Variants in SPEF2 observed in about 807,000 individuals in gnomAD.
The protein encoded by SPEF2 is sperm flagellar and cilia associated 2.
A neutral mutation model predicts 224.6 loss-of-function variants in SPEF2; 187 were observed. The observed-to-expected ratio is 0.83, with a 90% CI of 0.74 to 0.94. SPEF2 has a LOEUF of 0.94. Ranked by LOEUF, SPEF2 falls within the 40% of genes least tolerant of loss-of-function variation. The pLI is 0.00. For synonymous variants in SPEF2, 715 were observed against 707.3 expected, an observed-to-expected ratio of 1.01 and a Z score of -0.17; for missense variants, 2,170 against 2,135.6, an observed-to-expected ratio of 1.02 and a Z score of -0.32.
chr5:35,690,778 T>G (rs1035865676), intron 10 of SPEF2, among the ~76,000 whole-genome samples: 4 of 152,194 alleles, frequency 2.6e-5, no homozygotes, highest in African/African-American at 9.6e-5. Context: ...CAACCTAGAT[T>G]ACAAAATGCC....
intron 4 of SPEF2, among the ~76,000 whole-genome samples, chr5:35,644,752 C>T (rs567065000): frequency 6.6e-6 from 1 of 152,156 alleles, no homozygotes; most frequent in African/African-American, 2.4e-5. Context: ...ACAAGAACTG[C>T]CATCTTCTGG....
intron 7 of SPEF2, 114 bp downstream of exon 7, chr5:35,654,840 G>A (rs1748741451): frequency 1.2e-6 from 1 of 869,418 alleles, no homozygotes; most frequent in Non-Finnish European, 1.6e-6. Flanking sequence ...TGCATCAAAT[G>A]TCACTTTCAC....
At chr5:35,735,133 T>C (rs1484523321) in intron 21 of SPEF2, among the ~76,000 whole-genome samples, 3 of 152,222 alleles carry the variant, frequency 2.0e-5, no homozygotes, top group Non-Finnish European at 4.4e-5. Context: ...TATAAGCTCC[T>C]AAAGCCAGCA....
intron 1 of SPEF2, among the ~76,000 whole-genome samples, chr5:35,622,155 T>A (rs1342157017): frequency 6.6e-6 from 1 of 152,190 alleles, no homozygotes; most frequent in African/African-American, 2.4e-5. Context: ...TGGGTTTGGG[T>A]TTTTTCCAAG....
intron 31 of SPEF2, 53 bp from the exon 32 acceptor site, chr5:35,793,106 C>A: frequency 6.7e-7 from 1 of 1,500,264 alleles, no homozygotes; most frequent in Non-Finnish European, 9.1e-7. Flanking sequence ...GCAAGTAGAG[C>A]ATCAAGATAG....
intron 10 of SPEF2, among the ~76,000 whole-genome samples, chr5:35,687,745 GTTAGA>G (rs1456755789): frequency 1.3e-5 from 2 of 151,854 alleles, no homozygotes; most frequent in African/African-American, 4.9e-5. Context: ...TAAACATTAA[GTTAGA>G]TTAATTTGGA....
chr5:35,683,563 T>C lies in SPEF2; in HGVS notation c.1525-7474T>C, dbSNP rs144724005. 2.5e-4 allele frequency among the ~76,000 whole-genome samples: 38 copies of C among 152,312 alleles called. No individual in the cohort carries two copies. In the East Asian group the frequency reaches 6.4e-3, roughly 26 times the overall value. ...TTGCTTGAACTCGAGAGATGGAGGC[T>C]ACAGTTAGCCAAGATCGCGCTACTG... On this transcript the variant is annotated intron_variant, in intron 10 of 36. Coordinates refer to ENST00000356031, the MANE Select transcript of SPEF2 (RefSeq NM_024867.4).
chr5:35,756,469 T>C (rs1385220378), intron 24 of SPEF2, among the ~76,000 whole-genome samples: 2 of 152,050 alleles, frequency 1.3e-5, no homozygotes, highest in Non-Finnish European at 2.9e-5. Context: ...GGGGTGAAAA[T>C]TACAAAAGAG....
chr5:35,799,823 A>C, intron 33 of SPEF2, 145 bp from the exon 34 acceptor site: 1 of 783,502 alleles, frequency 1.3e-6, no homozygotes, highest in East Asian at 2.5e-5. Flanking sequence ...TTCAGTTCAT[A>C]CCATTCATTA....
At chr5:35,631,179 A>C (rs1745062682) in intron 2 of SPEF2, among the ~76,000 whole-genome samples, 1 of 152,186 alleles carries the variant, frequency 6.6e-6, no homozygotes, top group Non-Finnish European at 1.5e-5. Flanking sequence ...GTAGCAGGCA[A>C]AGAGAGAGGT....
chr5:35,665,268 T>C (rs939010082), intron 8 of SPEF2, among the ~76,000 whole-genome samples: 1 of 152,184 alleles, frequency 6.6e-6, no homozygotes, highest in Non-Finnish European at 1.5e-5. Context: ...CACGGAGATT[T>C]ACTACCTCCC....
chr5:35,646,793 A>C lies in SPEF2; in HGVS notation c.712A>C (p.Lys238Gln), dbSNP rs375902079. The change falls in exon 5 of 37, where the codon AAA becomes CAA. Residue 238 changes from lysine to glutamine, a missense_variant. Lys to Gln is a moderately conservative substitution (Grantham distance 53). Coordinates refer to ENST00000356031, the MANE Select transcript of SPEF2 (RefSeq NM_024867.4). ...CGAGGCCCAAAAAATGATGAAAAAG[A>C]AAAAAGAGGCAGAAGTAAGTGATAA... ...ALEAQKMMKK[K>Q]KEAEDVADEI... is the part of the protein sequence containing the mutation. The C allele has an allele frequency of 6.2e-7, 1 of 1,613,690 alleles. No homozygotes were observed. The highest frequency in any genetic ancestry group is 1.3e-5 in the African/African-American group (1 of 74,912).
intron 34 of SPEF2, among the ~76,000 whole-genome samples, chr5:35,802,196 C>T (rs1159128118): frequency 1.3e-5 from 2 of 151,890 alleles, no homozygotes. Flanking sequence ...ACCTGGCATA[C>T]TCTTCATCTC....
intron 1 of SPEF2, among the ~76,000 whole-genome samples, chr5:35,628,031 T>C (rs1744514777): frequency 6.6e-6 from 1 of 152,198 alleles, no homozygotes; most frequent in African/African-American, 2.4e-5. Flanking sequence ...TAAAATGAGG[T>C]ATTTGTTTAA....
intron 18 of SPEF2, among the ~76,000 whole-genome samples, chr5:35,706,963 G>A (rs1293116560): frequency 6.6e-6 from 1 of 152,146 alleles, no homozygotes; most frequent in Non-Finnish European, 1.5e-5. Flanking sequence ...GTTAGAATCA[G>A]TTTGTTTTTG....
chr5:35,766,239 C>G (rs1752073132), intron 26 of SPEF2, among the ~76,000 whole-genome samples: 1 of 152,054 alleles, frequency 6.6e-6, no homozygotes, highest in Non-Finnish European at 1.5e-5. Context: ...GTAGCATTCA[C>G]TAAGAGGCCA....
chr5:35,691,874 A>T (rs1436360049), intron 11 of SPEF2, among the ~76,000 whole-genome samples: 1 of 152,028 alleles, frequency 6.6e-6, no homozygotes, highest in Non-Finnish European at 1.5e-5. Context: ...ATCTCGGCCC[A>T]CTGCAACCTC....
At chr5:35,747,157 A>C (rs574766492) in intron 23 of SPEF2, among the ~76,000 whole-genome samples, 2 of 152,240 alleles carry the variant, frequency 1.3e-5, no homozygotes, top group Admixed American at 1.3e-4. Context: ...CCACTACAAG[A>C]AAAAGGAGCT....
intron 9 of SPEF2, 31 bp from the exon 10 acceptor site, chr5:35,670,028 G>A: frequency 6.5e-7 from 1 of 1,529,390 alleles, no homozygotes; most frequent in Non-Finnish European, 8.9e-7. Context: ...ACTAACCATT[G>A]ATTCATCTCT....
Sources: gnomAD v4.1 joint callset for allele counts (sites outside exome capture counted in the v4.1 genomes callset) on GRCh38, gnomAD v4.1.1 for gene constraint, MANE v1.5 for transcripts, NCBI Gene and HGNC (gene_info 2026-07-23, HGNC 2026-07-21) for gene names.